Variants in ZMIZ1 observed in about 807,000 individuals in gnomAD.
ZMIZ1 encodes the protein zinc finger MIZ-type containing 1.
ZMIZ1 carries 17 observed loss-of-function variants against 113.9 expected under a neutral mutation model. The observed-to-expected ratio is 0.15, with a 90% confidence interval of 0.10 to 0.22. ZMIZ1 has a LOEUF of 0.22. Among genes scored for constraint, ZMIZ1 ranks in the 10% least tolerant of loss-of-function variants. The pLI is 1.00. For missense variants in ZMIZ1, 1,059 were observed against 1,477.8 expected, an observed-to-expected ratio of 0.72 and a Z score of 4.65; for synonymous variants, 607 against 603.1, an observed-to-expected ratio of 1.01 and a Z score of -0.09.
intron 17 of ZMIZ1, 22 bp from the exon 18 acceptor site, chr10:79,302,085 A>T: frequency 6.2e-7 from 1 of 1,610,446 alleles, no homozygotes; most frequent in Middle Eastern, 1.8e-4. Flanking sequence ...ACAGGAACTG[A>T]GTGTCTCCTC....
chr10:79,199,780 T>C (rs1847994540), intron 4 of ZMIZ1, among the ~76,000 whole-genome samples: 2 of 152,186 alleles, frequency 1.3e-5, no homozygotes, highest in Non-Finnish European at 2.9e-5. Flanking sequence ...CTTTCTGATT[T>C]TTGAACCATG....
At chr10:79,289,517 A>C (rs1358718122) in intron 8 of ZMIZ1, among the ~76,000 whole-genome samples, 2 of 152,186 alleles carry the variant, frequency 1.3e-5, no homozygotes, top group Non-Finnish European at 2.9e-5. Context: ...TCGGGGATAC[A>C]GGGAGACACA....
intron 7 of ZMIZ1, among the ~76,000 whole-genome samples, chr10:79,247,394 A>G (rs10824730): frequency 0.26 from 39,379 of 152,096 alleles, 5,973 homozygotes; most frequent in South Asian, 0.43. Context: ...TGCCTTTCCA[A>G]ACTGATGCAC....
chr10:79,155,796 C>T (rs978747450), intron 3 of ZMIZ1, among the ~76,000 whole-genome samples: 3 of 152,258 alleles, frequency 2.0e-5, no homozygotes, highest in African/African-American at 2.4e-5. Flanking sequence ...GCTCTCTCTT[C>T]AGCCCAAAGC....
chr10:79,112,712 T>A (rs184819771), intron 1 of ZMIZ1, among the ~76,000 whole-genome samples: 3 of 152,278 alleles, frequency 2.0e-5, no homozygotes, highest in Admixed American at 6.5e-5. Flanking sequence ...TTCCTGCAGA[T>A]CTAAGGACAT....
chr10:79,193,801 A>G (rs554020916), intron 4 of ZMIZ1, among the ~76,000 whole-genome samples: 1 of 152,308 alleles, frequency 6.6e-6, no homozygotes, highest in Admixed American at 6.5e-5. Flanking sequence ...AGGCAAAGAC[A>G]TGGAGGTGCG....
At chr10:79,093,537 G>T (rs1487508092) in intron 1 of ZMIZ1, among the ~76,000 whole-genome samples, 1 of 152,020 alleles carries the variant, frequency 6.6e-6, no homozygotes, top group Admixed American at 6.6e-5. Context: ...ATGTTGGCCA[G>T]GCTGGTCTTG....
intron 5 of ZMIZ1, among the ~76,000 whole-genome samples, chr10:79,202,397 A>G (rs1029663783): frequency 1.3e-5 from 2 of 151,940 alleles, no homozygotes; most frequent in African/African-American, 4.8e-5. Flanking sequence ...TGAAGCCAAG[A>G]ATTTGAAACC....
intron 7 of ZMIZ1, among the ~76,000 whole-genome samples, chr10:79,275,373 C>T (rs1258328130): frequency 6.6e-6 from 1 of 151,950 alleles, no homozygotes; most frequent in African/African-American, 2.4e-5. Context: ...CAGGCCCCCT[C>T]CTGGAGGGAG....
chr10:79,126,682 C>G (rs574939959), intron 2 of ZMIZ1, among the ~76,000 whole-genome samples: 5 of 152,192 alleles, frequency 3.3e-5, no homozygotes, highest in Admixed American at 6.5e-5. Context: ...TTTTAACTTG[C>G]TAAATGCCCC....
At chr10:79,140,033 C>A (rs9651340) in intron 3 of ZMIZ1, among the ~76,000 whole-genome samples, 3,408 of 152,310 alleles carry the variant, frequency 0.022, 123 homozygotes, top group African/African-American at 0.078. Flanking sequence ...CCTGTACTTA[C>A]CTCAGTTCTC....
intron 1 of ZMIZ1, among the ~76,000 whole-genome samples, chr10:79,077,831 C>A (rs1046022332): frequency 6.6e-6 from 1 of 152,236 alleles, no homozygotes; most frequent in Admixed American, 6.5e-5. Flanking sequence ...AACTTCCTGG[C>A]ACATAGTAAG....
rs548644211 is a variant in ZMIZ1, at chr10:79,315,617, T to C, written c.*2868T>C. 2.0e-5 allele frequency: 3 copies of C among 152,786 alleles called. No homozygotes were observed. The highest frequency in any genetic ancestry group is 2.9e-5 in the Non-Finnish European group (2 of 68,050). The allele number at this position is 152,786 out of a possible 1,614,324, so 9.5% of individuals were successfully genotyped here. ...CTTTATCCATGTATCATGTTCCGTG[T>C]AGCCATTTTATTTTTTAAGAAACTG... On this transcript the variant is annotated 3_prime_UTR_variant, in exon 25 of 25. Transcript: ENST00000334512.
chr10:79,128,324 G>A (rs968937249), intron 2 of ZMIZ1, among the ~76,000 whole-genome samples: 1 of 152,190 alleles, frequency 6.6e-6, no homozygotes, highest in Non-Finnish European at 1.5e-5. Flanking sequence ...GACATATGCG[G>A]TGTGGCCCTC....
At position 79,243,498 on chromosome 10, in the gene ZMIZ1, G is replaced by A. The variant is rs1849986315; in HGVS notation, c.280+27224G>A. On this transcript the variant is annotated intron_variant, in intron 7 of 24. Coordinates refer to ENST00000334512, the MANE Select transcript of ZMIZ1 (RefSeq NM_020338.4). ...CGGGCAGCAGCGAGCGGGAGCGCGG[G>A]AGCCGGAGCGCCCTCGGAGCGGGCA... 2.7e-5 allele frequency among the ~76,000 whole-genome samples: 4 copies of A among 147,666 alleles called. No homozygotes were observed. In the South Asian group the frequency reaches 8.3e-4, roughly 31 times the overall value.
chr10:79,165,515 CA>C (rs1846290660), intron 4 of ZMIZ1, among the ~76,000 whole-genome samples: 1 of 134,750 alleles, frequency 7.4e-6, no homozygotes, highest in African/African-American at 2.5e-5. Context: ...GATTGTTCAG[CA>C]GGACGTGAGG....
chr10:79,145,455 T>C (rs1029528972), intron 3 of ZMIZ1, among the ~76,000 whole-genome samples: 1 of 151,560 alleles, frequency 6.6e-6, no homozygotes. Context: ...GGTTGGGGTC[T>C]CCGGGTTCAA....
intron 14 of ZMIZ1, 57 bp downstream of exon 14, chr10:79,297,747 G>A: frequency 6.8e-7 from 1 of 1,477,942 alleles, no homozygotes; most frequent in Non-Finnish European, 9.4e-7. Flanking sequence ...GCCTCTAAAG[G>A]TTCTCACTGT....
At position 79,314,415 on chromosome 10, in the gene ZMIZ1, C is replaced by A; in HGVS notation, c.*1666C>A. 2 of 368,444 alleles carry A rather than the reference C, an allele frequency of 5.4e-6. No homozygotes were observed. Among genetic ancestry groups the A allele is most frequent in the East Asian group, 1.5e-4 (2 of 13,756 alleles). 22.8% of individuals were successfully genotyped at this position (368,444 alleles called of 1,614,324 possible). A position where few individuals can be genotyped will look rare whatever the true frequency, so the allele number is the denominator to read the frequency against. On this transcript the variant is annotated 3_prime_UTR_variant, in exon 25 of 25. Coordinates refer to ENST00000334512, the MANE Select transcript of ZMIZ1 (RefSeq NM_020338.4). ...AAAGGTGGCCCCAGCTGTTGACTTC[C>A]AGTCACTGTCCCAGACGGCACAAGG...
Sources: gnomAD v4.1 joint callset for allele counts (sites outside exome capture counted in the v4.1 genomes callset) on GRCh38, gnomAD v4.1.1 for gene constraint, MANE v1.5 for transcripts, NCBI Gene and HGNC (gene_info 2026-07-23, HGNC 2026-07-21) for gene names.